Variants in LRP1B observed in about 807,000 individuals in gnomAD.
LRP1B encodes the protein low-density lipoprotein receptor-related protein 1B.
In LRP1B, 217 loss-of-function variants were observed where a neutral mutation model predicts 556.6. The observed-to-expected ratio is 0.39, with a 90% CI of 0.35 to 0.44. The LOEUF is 0.44. LRP1B is among the 20% of genes least tolerant of loss of function. The pLI is 1.00. For synonymous variants in LRP1B, 2,047 were observed against 1,865.8 expected, an observed-to-expected ratio of 1.10 and a Z score of -2.50; for missense variants, 5,053 against 5,620.8, an observed-to-expected ratio of 0.90 and a Z score of 3.23.
At chr2:141,412,620 ATTT>A (rs904058512) in intron 3 of LRP1B, among the ~76,000 whole-genome samples, 8 of 152,140 alleles carry the variant, frequency 5.3e-5, no homozygotes, top group Non-Finnish European at 8.8e-5. Context: ...CTTTTGTGTA[ATTT>A]TTTTAAGTAC....
chr2:140,334,409 C>T (rs1191041130), intron 79 of LRP1B, 44 bp downstream of exon 79: 1 of 1,205,146 alleles, frequency 8.3e-7, no homozygotes, highest in African/African-American at 1.5e-5. Context: ...CAGTAATATA[C>T]TTGTCATTCT....
Position 140,902,942 on chromosome 2 carries a change from G to T in LRP1B, c.3744C>A (p.Asp1248Glu), listed in dbSNP as rs375089464. The T allele has an allele frequency of 6.8e-6, 11 of 1,613,314 alleles. No homozygotes were observed. The African/African-American group carries it at 9.3e-5, about 14-fold the overall frequency. Residue 1248 changes from aspartate (D) to glutamate (E), a missense_variant, in exon 23 of 91, where the codon GAC becomes GAA. Around this residue, in one of 5 missense-constraint regions of LRP1B, gnomAD observed 3,619 missense variants for 3,931.9 expected, o/e 0.92. Transcript: ENST00000389484. Reference sequence around the variant, plus strand: ...TACCAACACTTGTACAACTTTCACCGTCTACATCCAGCTTCCAACCTTCAT... The same window carrying T: ...TACCAACACTTGTACAACTTTCACCTTCTACATCCAGCTTCCAACCTTCAT... ...SCYEGWKLDV[D>E]GESCTSVDPF... is the part of the protein sequence containing the mutation.
At chr2:140,802,572 T>A (rs548110142) in intron 32 of LRP1B, among the ~76,000 whole-genome samples, 1 of 152,338 alleles carries the variant, frequency 6.6e-6, no homozygotes, top group Admixed American at 6.5e-5. Flanking sequence ...ATTTTAGAGC[T>A]AACAGCACAG....
intron 3 of LRP1B, among the ~76,000 whole-genome samples, chr2:141,424,013 G>T (rs7604713): frequency 0.99 from 150,089 of 152,258 alleles, 74,008 homozygotes; most frequent in East Asian, 1. Context: ...AGTTAAAAGA[G>T]ATGACATCTG....
chr2:140,735,914 A>AT (rs1210693582), intron 35 of LRP1B, among the ~76,000 whole-genome samples: 1 of 152,164 alleles, frequency 6.6e-6, no homozygotes, highest in Non-Finnish European at 1.5e-5. Context: ...CTGCAATTGA[A>AT]TTTTAAGGGT....
intron 62 of LRP1B, among the ~76,000 whole-genome samples, chr2:140,452,086 T>G (rs1177560252): frequency 1.1e-4 from 17 of 152,156 alleles, no homozygotes; most frequent in Non-Finnish European, 4.4e-5. Context: ...AGCACACAAG[T>G]GACTTGATAC....
At chr2:141,169,495 T>TA (rs1680407402) in intron 7 of LRP1B, among the ~76,000 whole-genome samples, 1 of 151,694 alleles carries the variant, frequency 6.6e-6, no homozygotes, top group Non-Finnish European at 1.5e-5. Flanking sequence ...CAGGTACAGG[T>TA]AATTGAAGTG....
At chr2:142,068,374 T>C (rs1705185711) in intron 1 of LRP1B, among the ~76,000 whole-genome samples, 1 of 151,538 alleles carries the variant, frequency 6.6e-6, no homozygotes, top group African/African-American at 2.4e-5. Flanking sequence ...CAGCATAAAG[T>C]AACAAATAGG....
chr2:141,286,102 A>G (rs1685712482), intron 3 of LRP1B, among the ~76,000 whole-genome samples: 1 of 149,638 alleles, frequency 6.7e-6, no homozygotes, highest in Non-Finnish European at 1.5e-5. Context: ...TCAATACCTT[A>G]TAGTAGGCAT....
At chr2:140,332,490 G>A (rs1680864345) in intron 79 of LRP1B, among the ~76,000 whole-genome samples, 1 of 151,996 alleles carries the variant, frequency 6.6e-6, no homozygotes, top group African/African-American at 2.4e-5. Context: ...TTACTAAACA[G>A]GAGTATCCAA....
Position 141,677,326 on chromosome 2 carries a change from A to G in LRP1B, c.205+132953T>C, listed in dbSNP as rs545466078. On this transcript the variant is annotated intron_variant, in intron 2 of 90. Transcript: ENST00000389484. ...ACAGAGGCAGGAAACTGATTAGGCA[A>G]GAAAATTATGTTAAACCATATTGTG... Among the ~76,000 whole-genome samples the G allele has an allele frequency of 2.1e-3, 326 of 152,264 alleles. 1 individual carries two copies. Among genetic ancestry groups the G allele is most frequent in the African/African-American group, 7.3e-3 (302 of 41,562 alleles).
intron 2 of LRP1B, among the ~76,000 whole-genome samples, chr2:141,504,639 C>G (rs2105139263): frequency 6.6e-6 from 1 of 152,148 alleles, no homozygotes; most frequent in East Asian, 1.9e-4. Context: ...GCCCAAGGAG[C>G]AATAATCTGT....
At chr2:141,910,603 A>G (rs1229758205) in intron 1 of LRP1B, among the ~76,000 whole-genome samples, 2 of 152,138 alleles carry the variant, frequency 1.3e-5, no homozygotes, top group African/African-American at 4.8e-5. Flanking sequence ...TGGAATTGCC[A>G]TGTAAATGGA....
chr2:141,854,153 C>A (rs936089232), intron 1 of LRP1B, among the ~76,000 whole-genome samples: 19 of 151,920 alleles, frequency 1.3e-4, no homozygotes, highest in Non-Finnish European at 2.4e-4. Context: ...GAAGTAATTT[C>A]CAAATATCAA....
At chr2:141,651,590 G>A (rs966418311) in intron 2 of LRP1B, among the ~76,000 whole-genome samples, 3 of 152,166 alleles carry the variant, frequency 2.0e-5, no homozygotes, top group Admixed American at 6.6e-5. Context: ...GCTTGAGCCC[G>A]GGAGGTGGAG....
intron 27 of LRP1B, among the ~76,000 whole-genome samples, chr2:140,866,500 C>T (rs934109062): frequency 6.6e-6 from 1 of 151,972 alleles, no homozygotes; most frequent in African/African-American, 2.4e-5. Flanking sequence ...AAAGTTATTG[C>T]TCACCTATGT....
intron 3 of LRP1B, among the ~76,000 whole-genome samples, chr2:141,309,693 A>G (rs1686737062): frequency 6.6e-6 from 1 of 152,116 alleles, no homozygotes; most frequent in African/African-American, 2.4e-5. Context: ...GAGGGGAGCA[A>G]CATACACCAG....
At chr2:141,591,155 T>A (rs1461893469) in intron 2 of LRP1B, among the ~76,000 whole-genome samples, 4 of 152,122 alleles carry the variant, frequency 2.6e-5, no homozygotes, top group Non-Finnish European at 5.9e-5. Context: ...GTCTGTAGTA[T>A]CTCCTGATGC....
chr2:141,418,685 C>T (rs74762240), intron 3 of LRP1B, among the ~76,000 whole-genome samples: 9,895 of 152,092 alleles, frequency 0.065, 1,079 homozygotes, highest in African/African-American at 0.22. Flanking sequence ...CCATCTTTGT[C>T]CATCTTCCCC....
Sources: gnomAD v4.1 joint callset for allele counts (sites outside exome capture counted in the v4.1 genomes callset) on GRCh38, gnomAD v4.1.1 for gene constraint, gnomAD v4.1.1 regional missense constraint, MANE v1.5 for transcripts, NCBI Gene and HGNC (gene_info 2026-07-23, HGNC 2026-07-21) for gene names.